The following ZNF354B variants were observed in gnomAD, a reference collection of about 807,000 sequenced individuals.
ZNF354B encodes zinc finger protein 354B.
In ZNF354B, 10 loss-of-function variants were observed where a neutral mutation model predicts 12.9. That is an observed-to-expected ratio of 0.77 (90% CI 0.48 to 1.31). The LOEUF is 1.31. Ranked by LOEUF, ZNF354B falls within the 40% of genes most tolerant of loss-of-function variation. The pLI is 0.00. For missense variants in ZNF354B, 614 were observed against 711.7 expected, an observed-to-expected ratio of 0.86 and a Z score of 1.56; for synonymous variants, 260 against 243.7, an observed-to-expected ratio of 1.07 and a Z score of -0.62.
chr5:178,861,646 G>C (rs750267717), intron 2 of ZNF354B, among the ~76,000 whole-genome samples: 3 of 141,244 alleles, frequency 2.1e-5, no homozygotes, highest in Non-Finnish European at 4.8e-5. Flanking sequence ...GAGTTGGAGA[G>C]GTCGCTTGAC....
chr5:178,874,854 G>A (rs969029417), intron 4 of ZNF354B, among the ~76,000 whole-genome samples: 3 of 152,174 alleles, frequency 2.0e-5, no homozygotes, highest in African/African-American at 7.2e-5. Flanking sequence ...ATCTGTGTGA[G>A]CTTAATGTTT....
intron 4 of ZNF354B, among the ~76,000 whole-genome samples, chr5:178,877,256 A>G (rs1757651977): frequency 4.0e-5 from 6 of 151,872 alleles, no homozygotes. Flanking sequence ...TGCAACCTCC[A>G]CCTTTTGGGT....
At chr5:178,870,734 C>A (rs1757549829) in intron 4 of ZNF354B, among the ~76,000 whole-genome samples, 1 of 152,190 alleles carries the variant, frequency 6.6e-6, no homozygotes, top group Admixed American at 6.5e-5. Context: ...TGGGGCTTAG[C>A]AACAGCCCTG....
chr5:178,861,665 C>CAG (rs1428772618), intron 2 of ZNF354B, among the ~76,000 whole-genome samples: 15 of 116,554 alleles, frequency 1.3e-4, no homozygotes, highest in Admixed American at 9.1e-4. Context: ...ACTCGCAGGA[C>CAG]ACAGAAGACC....
chr5:178,880,915 T>A (rs1457794569), intron 4 of ZNF354B, among the ~76,000 whole-genome samples: 2 of 140,698 alleles, frequency 1.4e-5, no homozygotes, highest in Non-Finnish European at 3.0e-5. Flanking sequence ...TGATCTTGGC[T>A]CACTGCAACC....
rs995790246 is a variant in ZNF354B at position 178,884,566 on chromosome 5, CA to C, written c.*281del. Reference sequence around the variant, plus strand: ...TATAATATATGCTATCTATGACATGCAAAAAAGAAAAGTCTGGGTGCTGAGG... The same window carrying C: ...TATAATATATGCTATCTATGACATGCAAAAAGAAAAGTCTGGGTGCTGAGG... On this transcript the variant is annotated 3_prime_UTR_variant, in exon 5 of 5. Coordinates refer to ENST00000322434, the MANE Select transcript of ZNF354B (RefSeq NM_058230.3). 3.8e-6 allele frequency: 1 copy of C among 262,628 alleles called. No homozygotes were observed. The highest frequency in any genetic ancestry group is 7.0e-6 in the Non-Finnish European group (1 of 141,934). 16.3% of individuals were successfully genotyped at this position (262,628 alleles called of 1,614,324 possible).
chr5:178,861,899 A>G (rs778093903), intron 2 of ZNF354B, among the ~76,000 whole-genome samples: 7 of 152,286 alleles, frequency 4.6e-5, no homozygotes, highest in South Asian at 2.1e-4. Flanking sequence ...AAGGGATCAC[A>G]TGAGTTAGTG....
intron 4 of ZNF354B, among the ~76,000 whole-genome samples, chr5:178,879,295 C>T (rs557702574): frequency 2.6e-5 from 4 of 152,080 alleles, no homozygotes; most frequent in Non-Finnish European, 5.9e-5. Context: ...GATCTCCCTG[C>T]CTCGGCCTCC....
chr5:178,868,928 C>A (rs111243913), intron 4 of ZNF354B, among the ~76,000 whole-genome samples: 22,103 of 149,752 alleles, frequency 0.15, 2,025 homozygotes, highest in African/African-American at 0.25. Context: ...GCCGAGATCG[C>A]GCCACTGCAC....
chr5:178,873,384 G>A (rs1313654879), intron 4 of ZNF354B, among the ~76,000 whole-genome samples: 3 of 152,080 alleles, frequency 2.0e-5, no homozygotes, highest in African/African-American at 7.2e-5. Flanking sequence ...AGATCATGAA[G>A]ATTTTCTGCC....
chr5:178,865,503 G>A (rs1757433444), intron 2 of ZNF354B, among the ~76,000 whole-genome samples: 1 of 152,118 alleles, frequency 6.6e-6, no homozygotes, highest in Non-Finnish European at 1.5e-5. Context: ...TCTTGACCTT[G>A]TGATCCAGCC....
intron 4 of ZNF354B, among the ~76,000 whole-genome samples, chr5:178,881,736 C>G (rs138637371): frequency 2.7e-3 from 414 of 152,206 alleles, no homozygotes; most frequent in African/African-American, 9.5e-3. Context: ...CTCCACCTCC[C>G]AGGTTCAAGC....
Position 178,883,657 on chromosome 5 carries a change from G to T in ZNF354B, c.1205G>T (p.Arg402Ile). The T allele has an allele frequency of 3.7e-6, 6 of 1,614,030 alleles. No homozygotes were observed. The highest frequency in any genetic ancestry group is 1.7e-5 in the Admixed American group (1 of 60,012). ...SQSASLIQHERIHTGEKPYRC... is the reference protein window; with the variant it reads ...SQSASLIQHEIIHTGEKPYRC... ...AGTGCCTCTCTTATTCAACATGAAA[G>T]AATTCACACCGGAGAAAAGCCCTAT... Residue 402 changes from arginine (R) to isoleucine (I), a missense_variant, in exon 5 of 5, where the codon AGA (arginine) becomes ATA (isoleucine). Physicochemically the swap from Arg to Ile is moderately conservative, Grantham distance 97. Coordinates refer to ENST00000322434, the MANE Select transcript of ZNF354B (RefSeq NM_058230.3).
chr5:178,881,634 A>G (rs1757719318), intron 4 of ZNF354B, among the ~76,000 whole-genome samples: 1 of 100,692 alleles, frequency 9.9e-6, no homozygotes, highest in African/African-American at 3.5e-5. Context: ...ATATCCAGCT[A>G]CTTCAGTGAG....
Position 178,860,035 on chromosome 5 carries a change from C to T in ZNF354B, c.-144C>T, listed in dbSNP as rs1472012096. On this transcript the variant is annotated 5_prime_UTR_variant, in exon 1 of 5. Coordinates refer to ENST00000322434, the MANE Select transcript of ZNF354B (RefSeq NM_058230.3). Reference sequence around the variant, plus strand: ...GAGCGGCGCCGGGCTTGAGGTCGCCCAGACGTCGGAGGAGCCGGGTCACGA... The same window carrying T: ...GAGCGGCGCCGGGCTTGAGGTCGCCTAGACGTCGGAGGAGCCGGGTCACGA... 6.6e-6 allele frequency: 1 copy of T among 152,386 alleles called. No individual in the cohort carries two copies. The highest frequency in any genetic ancestry group is 2.4e-5 in the African/African-American group (1 of 41,462). 9.4% of individuals were successfully genotyped at this position (152,386 alleles called of 1,614,324 possible).
intron 4 of ZNF354B, among the ~76,000 whole-genome samples, chr5:178,877,206 TCAC>T (rs1051414802): frequency 2.0e-5 from 3 of 152,176 alleles, no homozygotes; most frequent in African/African-American, 7.2e-5. Context: ...TCTTACTCTG[TCAC>T]CCAGGCTGGA....
chr5:178,883,369 C>T lies in ZNF354B; in HGVS notation c.917C>T (p.Ser306Phe), dbSNP rs764352593. 5 of 1,613,980 alleles carry T rather than the reference C, an allele frequency of 3.1e-6. No individual in the cohort carries two copies. The highest frequency in any genetic ancestry group is 4.5e-5 in the East Asian group (2 of 44,850). ...TATAGATGTAAAGAATGTGGTAAATCCTTCAGTCGAAGGTCTGGGCTTTTT... is the reference window on the plus strand; with the variant it reads ...TATAGATGTAAAGAATGTGGTAAATTCTTCAGTCGAAGGTCTGGGCTTTTT... ...KCYRCKECGK[S>F]FSRRSGLFIH... Residue 306 changes from serine (S) to phenylalanine (F), a missense_variant, in exon 5 of 5, where the codon TCC becomes TTC. Ser to Phe is a radical substitution (Grantham distance 155, BLOSUM62 -2). Coordinates refer to ENST00000322434, the MANE Select transcript of ZNF354B (RefSeq NM_058230.3).
chr5:178,882,047 G>C (rs550014924), intron 4 of ZNF354B, among the ~76,000 whole-genome samples: 14 of 151,730 alleles, frequency 9.2e-5, no homozygotes, highest in African/African-American at 3.2e-4. Flanking sequence ...AATAGCTCTA[G>C]TGTATTTAAT....
chr5:178,860,028 G>A lies in ZNF354B; in HGVS notation c.-151G>A, dbSNP rs1176482915. 1 of 152,396 alleles carries A rather than the reference G, an allele frequency of 6.6e-6. No individual in the cohort carries two copies. The highest frequency in any genetic ancestry group is 1.5e-5 in the Non-Finnish European group (1 of 68,170). 9.4% of individuals were successfully genotyped at this position (152,396 alleles called of 1,614,324 possible). On this transcript the variant is annotated 5_prime_UTR_variant, in exon 1 of 5. Coordinates refer to ENST00000322434, the MANE Select transcript of ZNF354B (RefSeq NM_058230.3). ...GCCCGGTGAGCGGCGCCGGGCTTGA[G>A]GTCGCCCAGACGTCGGAGGAGCCGG... is the stretch of plus-strand genomic sequence containing the variant.
Sources: allele counts gnomAD v4.1 joint callset (sites outside exome capture counted in the v4.1 genomes callset), GRCh38; gene constraint gnomAD v4.1.1; transcripts MANE v1.5; gene names NCBI Gene and HGNC (gene_info 2026-07-23, HGNC 2026-07-21).